The following CDYL2 variants were observed in gnomAD, a reference collection of about 807,000 sequenced individuals.
CDYL2 encodes the protein chromodomain Y like 2.
In CDYL2, 23 loss-of-function variants were observed where a neutral mutation model predicts 49.4. That is an observed-to-expected ratio of 0.47 (90% CI 0.34 to 0.66). The LOEUF (loss-of-function observed/expected upper bound fraction) is 0.66, where lower values mean the gene tolerates loss of function less well. Ranked by LOEUF, CDYL2 falls within the 30% of genes least tolerant of loss-of-function variation. CDYL2 has a pLI of 0.01. For missense variants in CDYL2, 678 were observed against 656.4 expected (o/e 1.03, Z -0.36); for synonymous variants, 360 against 268.8 (o/e 1.34, Z -3.32).
intron 1 of CDYL2, among the ~76,000 whole-genome samples, chr16:80,688,910 C>T (rs893190546): frequency 4.1e-4 from 62 of 152,110 alleles, no homozygotes; most frequent in Non-Finnish European, 1.0e-4. Context: ...AACAAACAAA[C>T]AAAAACAAAC....
At chr16:80,794,242 T>A (rs774905454) in intron 1 of CDYL2, among the ~76,000 whole-genome samples, 1 of 152,228 alleles carries the variant, frequency 6.6e-6, no homozygotes, top group Non-Finnish European at 1.5e-5. Flanking sequence ...TATCACATAC[T>A]GATTATTACA....
chr16:80,761,972 G>A (rs1460095216), intron 1 of CDYL2, among the ~76,000 whole-genome samples: 1 of 150,838 alleles, frequency 6.6e-6, no homozygotes, highest in Non-Finnish European at 1.5e-5. Context: ...GATTGTTTGA[G>A]GCCAGGAGGT....
At chr16:80,708,863 T>C (rs1340374998) in intron 1 of CDYL2, among the ~76,000 whole-genome samples, 1 of 152,092 alleles carries the variant, frequency 6.6e-6, no homozygotes, top group Non-Finnish European at 1.5e-5. Flanking sequence ...AATGATGAAA[T>C]CTTTATTATA....
At chr16:80,742,421 T>G (rs1427292444) in intron 1 of CDYL2, 1 of 151,466 alleles carries the variant, frequency 6.6e-6, no homozygotes, top group Non-Finnish European at 1.5e-5. Context: ...TATAAATGGT[T>G]GAGTGGGTAG....
intron 1 of CDYL2, among the ~76,000 whole-genome samples, chr16:80,771,811 G>C (rs972434729): frequency 3.3e-5 from 5 of 151,970 alleles, no homozygotes; most frequent in African/African-American, 1.2e-4. Context: ...AGGCCTCAGA[G>C]AAAGAGTTTT....
At chr16:80,655,220 G>A (rs1250892893) in intron 2 of CDYL2, among the ~76,000 whole-genome samples, 1 of 152,198 alleles carries the variant, frequency 6.6e-6, no homozygotes, top group Admixed American at 6.5e-5. Flanking sequence ...AAGGAAAAGT[G>A]AGTACCTTGC....
chr16:80,639,609 C>T (rs1907989590), intron 2 of CDYL2: 2 of 446,318 alleles, frequency 4.5e-6, no homozygotes, highest in Admixed American at 4.9e-5. Context: ...ATCAAATTAA[C>T]AACTGTCTAC....
chr16:80,634,564 A>G (rs1597138030), intron 2 of CDYL2, among the ~76,000 whole-genome samples: 1 of 152,202 alleles, frequency 6.6e-6, no homozygotes, highest in Admixed American at 6.5e-5. Flanking sequence ...GTTAATGGGT[A>G]CAGCAAACCA....
intron 1 of CDYL2, among the ~76,000 whole-genome samples, chr16:80,771,869 G>A (rs1316347904): frequency 6.6e-6 from 1 of 152,170 alleles, no homozygotes; most frequent in Admixed American, 6.5e-5. Context: ...AGTGGATTAT[G>A]TAAACTGAAA....
intron 1 of CDYL2, among the ~76,000 whole-genome samples, chr16:80,717,953 G>T (rs1363238759): frequency 2.0e-5 from 3 of 152,168 alleles, no homozygotes; most frequent in Non-Finnish European, 4.4e-5. Flanking sequence ...CCACTTGCAA[G>T]GTCAAGGATG....
At chr16:80,621,026 C>T in intron 3 of CDYL2, 91 bp from the exon 4 acceptor site, 5 of 1,387,398 alleles carry the variant, frequency 3.6e-6, no homozygotes, top group South Asian at 3.1e-5. Flanking sequence ...GGCCTGACCC[C>T]CTGAGGGTAG....
intron 1 of CDYL2, among the ~76,000 whole-genome samples, chr16:80,765,527 T>G (rs905396864): frequency 1.3e-5 from 2 of 150,894 alleles, no homozygotes; most frequent in African/African-American, 4.9e-5. Context: ...CTTCAAAGAG[T>G]TAAACCAGTA....
rs560345661 is a variant in CDYL2, at chr16:80,685,575, C to T, written c.25-446G>A. 2.0e-5 allele frequency among the ~76,000 whole-genome samples: 3 copies of T among 152,204 alleles called. No individual in the cohort carries two copies. The South Asian group carries it at 6.2e-4, about 32-fold the overall frequency. On this transcript the variant is annotated intron_variant, in intron 1 of 6. Transcript: ENST00000570137. Reference sequence around the variant, plus strand: ...GAGCAATTATATGGGAGGTACTATGCCAATTTATCCTTACTTATAACAATA... The same window carrying T: ...GAGCAATTATATGGGAGGTACTATGTCAATTTATCCTTACTTATAACAATA...
chr16:80,691,771 TAA>T (rs1404145046), intron 1 of CDYL2, among the ~76,000 whole-genome samples: 1 of 152,046 alleles, frequency 6.6e-6, no homozygotes, highest in Non-Finnish European at 1.5e-5. Context: ...CCCATGTTTT[TAA>T]AAGAGAGAGA....
At chr16:80,642,610 T>C (rs945534850) in intron 2 of CDYL2, among the ~76,000 whole-genome samples, 2 of 151,850 alleles carry the variant, frequency 1.3e-5, no homozygotes, top group Non-Finnish European at 2.9e-5. Flanking sequence ...GAAAAAGAGG[T>C]TTAATTGGAC....
intron 1 of CDYL2, among the ~76,000 whole-genome samples, chr16:80,801,399 T>G (rs1907922409): frequency 6.6e-6 from 1 of 152,212 alleles, no homozygotes; most frequent in Non-Finnish European, 1.5e-5. Flanking sequence ...CAGCACCTAT[T>G]CCTAACAACT....
chr16:80,664,783 G>A (rs1159016096), intron 2 of CDYL2, among the ~76,000 whole-genome samples: 1 of 152,102 alleles, frequency 6.6e-6, no homozygotes, highest in Non-Finnish European at 1.5e-5. Context: ...CTAATAGACT[G>A]TAGGCAAGCT....
At chr16:80,639,467 G>A (rs908276869) in intron 2 of CDYL2, among the ~76,000 whole-genome samples, 1 of 152,152 alleles carries the variant, frequency 6.6e-6, no homozygotes, top group Admixed American at 6.5e-5. Flanking sequence ...TTTAATAAGT[G>A]AAGGGATAAA....
intron 1 of CDYL2, among the ~76,000 whole-genome samples, chr16:80,717,797 C>T (rs1256319639): frequency 6.6e-6 from 1 of 152,204 alleles, no homozygotes; most frequent in African/African-American, 2.4e-5. Flanking sequence ...AAAGCAAATA[C>T]TGAAGCCAGG....
Sources: gnomAD v4.1 joint callset for allele counts (sites outside exome capture counted in the v4.1 genomes callset) on GRCh38, gnomAD v4.1.1 for gene constraint, MANE v1.5 for transcripts, NCBI Gene and HGNC (gene_info 2026-07-23, HGNC 2026-07-21) for gene names.